Variants in PRKN observed in about 807,000 individuals in gnomAD.
The protein encoded by PRKN is E3 ubiquitin-protein ligase parkin.
Under a neutral mutation model 59.5 loss-of-function variants are expected in PRKN, and 56 were observed. The ratio of observed to expected loss-of-function variants is 0.94; its 90% CI spans 0.76 to 1.18. PRKN has a LOEUF of 1.18. PRKN is among the 50% of genes most tolerant of loss of function. PRKN has a pLI of 0.00. For missense variants in PRKN, 657 were observed against 596.4 expected (o/e 1.10, Z -1.06); for synonymous variants, 250 against 222.1 (o/e 1.13, Z -1.12).
intron 7 of PRKN, among the ~76,000 whole-genome samples, chr6:161,770,162 G>A (rs751422196): frequency 5.3e-5 from 8 of 152,142 alleles, no homozygotes; most frequent in Admixed American, 2.6e-4. Context: ...GGGACACTGC[G>A]TTGAAGCTCA....
At chr6:162,385,317 G>A (rs1409535572) in intron 2 of PRKN, among the ~76,000 whole-genome samples, 1 of 152,096 alleles carries the variant, frequency 6.6e-6, no homozygotes, top group Non-Finnish European at 1.5e-5. Context: ...AAAGCAAAAA[G>A]AGAACCATTT....
intron 6 of PRKN, among the ~76,000 whole-genome samples, chr6:161,825,483 C>A (rs1161678136): frequency 6.6e-6 from 1 of 152,170 alleles, no homozygotes; most frequent in Non-Finnish European, 1.5e-5. Flanking sequence ...CTGGGCTGCT[C>A]ATGGCCATGT....
At chr6:162,224,471 C>A (rs972110984) in intron 3 of PRKN, among the ~76,000 whole-genome samples, 4 of 152,148 alleles carry the variant, frequency 2.6e-5, no homozygotes, top group African/African-American at 9.7e-5. Context: ...ATGCCAAGAT[C>A]ACCTAACGGT....
intron 9 of PRKN, among the ~76,000 whole-genome samples, chr6:161,438,803 T>C (rs577275946): frequency 6.6e-6 from 1 of 152,318 alleles, no homozygotes; most frequent in East Asian, 1.9e-4. Context: ...GCTTGTAAAT[T>C]GGCTTAGGAA....
At chr6:161,791,488 T>G (rs966756906) in intron 6 of PRKN, among the ~76,000 whole-genome samples, 2 of 152,232 alleles carry the variant, frequency 1.3e-5, no homozygotes, top group Non-Finnish European at 1.5e-5. Flanking sequence ...TTTGCCCTCC[T>G]TCACACACTC....
intron 10 of PRKN, among the ~76,000 whole-genome samples, chr6:161,364,473 CAAAAAAAAA>C (rs57773007): frequency 2.6e-5 from 1 of 37,898 alleles, no homozygotes. Flanking sequence ...ACCCGCCCCG[CAAAAAAAAA>C]AAAAAAAAAA....
At chr6:162,364,349 G>T (rs964489270) in intron 2 of PRKN, among the ~76,000 whole-genome samples, 9 of 152,172 alleles carry the variant, frequency 5.9e-5, no homozygotes, top group Admixed American at 5.9e-4. Context: ...GCTTTTTTGA[G>T]TTGTCATCAG....
At chr6:162,469,349 C>CAGGGGGGGGGGGGTGGG (rs1791597901) in intron 1 of PRKN, among the ~76,000 whole-genome samples, 1 of 57,788 alleles carries the variant, frequency 1.7e-5, no homozygotes, top group Non-Finnish European at 3.3e-5. Context: ...GGGGGGGTTG[C>CAGGGGGGGGGGGGTGGG]AGGGGGGGGT....
chr6:161,754,481 G>T (rs1322183602), intron 7 of PRKN, among the ~76,000 whole-genome samples: 1 of 152,092 alleles, frequency 6.6e-6, no homozygotes, highest in Admixed American at 6.5e-5. Context: ...GCCATGAGGT[G>T]GGTGCTTGTG....
intron 3 of PRKN, among the ~76,000 whole-genome samples, chr6:162,248,266 A>C (rs1779281512): frequency 6.6e-6 from 1 of 152,214 alleles, no homozygotes; most frequent in African/African-American, 2.4e-5. Context: ...ATCAGAGCCC[A>C]TGCTGTCCAT....
At chr6:162,351,900 C>T (rs1396412791) in intron 2 of PRKN, among the ~76,000 whole-genome samples, 1 of 151,884 alleles carries the variant, frequency 6.6e-6, no homozygotes, top group African/African-American at 2.4e-5. Context: ...AGTTTTTTTC[C>T]TGTGGTATAA....
At chr6:162,718,555 C>CA (rs1403805870) in intron 1 of PRKN, among the ~76,000 whole-genome samples, 1 of 151,464 alleles carries the variant, frequency 6.6e-6, no homozygotes, top group African/African-American at 2.4e-5. Context: ...ACTAAAAATA[C>CA]AAAAAAAATT....
In PRKN at chr6:162,040,577, T is replaced by G. The variant is rs952198018; in HGVS notation, c.618+13514A>C. 1.8e-3 allele frequency among the ~76,000 whole-genome samples: 272 copies of G among 149,182 alleles called. 1 individual carries two copies. Among genetic ancestry groups the G allele is most frequent in the African/African-American group, 6.6e-3 (268 of 40,716 alleles). ...GCCCACCACCATGCCCGGCTATTTT[T>G]TTTTTTTTTTTTTTGTATTTTTTTG... is the stretch of plus-strand genomic sequence containing the variant. On this transcript the variant is annotated intron_variant, in intron 5 of 11. Coordinates refer to ENST00000366898, the MANE Select transcript of PRKN (RefSeq NM_004562.3).
At chr6:162,150,370 C>T (rs1782216513) in intron 4 of PRKN, among the ~76,000 whole-genome samples, 1 of 152,142 alleles carries the variant, frequency 6.6e-6, no homozygotes. Flanking sequence ...GATTTATATG[C>T]TGTCTCCAGA....
chr6:162,339,230 G>A (rs1269702540), intron 2 of PRKN, among the ~76,000 whole-genome samples: 20 of 149,252 alleles, frequency 1.3e-4, no homozygotes, highest in African/African-American at 3.7e-4. Flanking sequence ...CACCCCGTCC[G>A]GGAGGGAGGT....
rs1784961709 is a variant in PRKN, at chr6:161,361,149, CCCCAGA to C, written c.1168-950_1168-945del. ...TAAGGACCAGCCATTCGCTGATTAT[CCCCAGA>C]TAAGATGCAGCATCACCAAAAACAT... On this transcript the variant is annotated intron_variant, in intron 10 of 11. Coordinates refer to ENST00000366898, the MANE Select transcript of PRKN (RefSeq NM_004562.3). This position sits in a 1 kb window ranked among gnomAD's most constrained non-coding sequence, Gnocchi z 5.2. 6.6e-6 allele frequency among the ~76,000 whole-genome samples: 1 copy of C among 152,174 alleles called. No homozygotes were observed. Among genetic ancestry groups the C allele is most frequent in the African/African-American group, 2.4e-5 (1 of 41,436 alleles).
chr6:162,636,298 A>T (rs1451865527), intron 1 of PRKN, among the ~76,000 whole-genome samples: 1 of 152,222 alleles, frequency 6.6e-6, no homozygotes, highest in Non-Finnish European at 1.5e-5. Flanking sequence ...CTTTAAGCCC[A>T]ACATGAAATA....
chr6:162,711,387 A>G (rs1308426115), intron 1 of PRKN, among the ~76,000 whole-genome samples: 1 of 150,494 alleles, frequency 6.6e-6, no homozygotes, highest in Admixed American at 6.7e-5. Flanking sequence ...GATGAGACCA[A>G]CTGGAATCAA....
chr6:162,008,904 CT>C (rs1170141557), intron 5 of PRKN, among the ~76,000 whole-genome samples: 1 of 150,444 alleles, frequency 6.6e-6, no homozygotes, highest in East Asian at 1.9e-4. Context: ...GCTGGATACC[CT>C]TGTAAGAGTT....
Sources: gnomAD v4.1 joint callset for allele counts (sites outside exome capture counted in the v4.1 genomes callset) on GRCh38, gnomAD v4.1.1 for gene constraint, Gnocchi (gnomAD v3.1) non-coding constraint, MANE v1.5 for transcripts, NCBI Gene and HGNC (gene_info 2026-07-23, HGNC 2026-07-21) for gene names.